Variants in ADARB2 observed in about 807,000 individuals in gnomAD.
The protein encoded by ADARB2 is inactive double-stranded RNA-specific editase B2.
Under a neutral mutation model 62.2 loss-of-function variants are expected in ADARB2, and 25 were observed. The observed-to-expected ratio is 0.40, with a 90% CI of 0.29 to 0.56. ADARB2 has a LOEUF of 0.56. Ranked by LOEUF, ADARB2 falls within the 20% of genes least tolerant of loss-of-function variation. The pLI is 0.43. For missense variants in ADARB2, 1,071 were observed against 1,077.4 expected, an observed-to-expected ratio of 0.99 and a Z score of 0.08; for synonymous variants, 572 against 500.8, an observed-to-expected ratio of 1.14 and a Z score of -1.90.
chr10:1,343,896 A>C (rs1009320678), intron 3 of ADARB2, among the ~76,000 whole-genome samples: 2 of 152,234 alleles, frequency 1.3e-5, no homozygotes, highest in African/African-American at 4.8e-5. Context: ...GAGGAGGGTG[A>C]GGACTGAAAA....
In ADARB2 at chr10:1,489,247, C is replaced by T. The variant is rs370507342; in HGVS notation, c.101-110087G>A. 5.7e-4 allele frequency among the ~76,000 whole-genome samples: 87 copies of T among 151,770 alleles called. No homozygotes were observed. In the South Asian group the frequency reaches 0.015, roughly 27 times the overall value. ...ACCTTCCCTTTCAGCAAGGCGTGACCGTGCCTCTCTGGGAGCTTCTGCACC... is the reference window on the plus strand; with the variant it reads ...ACCTTCCCTTTCAGCAAGGCGTGACTGTGCCTCTCTGGGAGCTTCTGCACC... On this transcript the variant is annotated intron_variant, in intron 1 of 9. Coordinates refer to ENST00000381312, the MANE Select transcript of ADARB2 (RefSeq NM_018702.4).
chr10:1,571,561 T>C (rs1254649071), intron 1 of ADARB2, among the ~76,000 whole-genome samples: 1 of 152,246 alleles, frequency 6.6e-6, no homozygotes, highest in Non-Finnish European at 1.5e-5. Flanking sequence ...TGAAGCCAGA[T>C]ACGTGGGTAT....
chr10:1,705,101 A>T (rs1834872488), intron 1 of ADARB2, among the ~76,000 whole-genome samples: 1 of 152,244 alleles, frequency 6.6e-6, no homozygotes, highest in Non-Finnish European at 1.5e-5. Flanking sequence ...TGATTTTTAA[A>T]ATTATTTAAT....
intron 1 of ADARB2, among the ~76,000 whole-genome samples, chr10:1,467,628 C>G (rs1442903796): frequency 6.6e-6 from 1 of 152,192 alleles, no homozygotes; most frequent in Non-Finnish European, 1.5e-5. Context: ...AACCAGCACA[C>G]ACGGACTATT....
intron 6 of ADARB2, 48 bp downstream of exon 6, chr10:1,233,646 G>A: frequency 6.4e-7 from 1 of 1,557,792 alleles, no homozygotes; most frequent in Non-Finnish European, 8.7e-7. Flanking sequence ...CCAGATAGAG[G>A]GAGCTGGGGG....
At chr10:1,455,347 A>T (rs1013019098) in intron 1 of ADARB2, among the ~76,000 whole-genome samples, 1 of 152,238 alleles carries the variant, frequency 6.6e-6, no homozygotes, top group Non-Finnish European at 1.5e-5. Context: ...TATGATGAGC[A>T]AAATAATTAG....
intron 3 of ADARB2, among the ~76,000 whole-genome samples, chr10:1,336,418 T>C (rs553564715): frequency 2.7e-4 from 41 of 152,278 alleles, no homozygotes; most frequent in African/African-American, 9.6e-4. Flanking sequence ...AAGGGTATTC[T>C]CACACATCTC....
chr10:1,390,326 G>A (rs939067424), intron 1 of ADARB2, among the ~76,000 whole-genome samples: 7 of 152,196 alleles, frequency 4.6e-5, no homozygotes, highest in African/African-American at 7.2e-5. Context: ...GGGAAGAGGC[G>A]GAAGTGGGCT....
chr10:1,651,549 C>A (rs797020149), intron 1 of ADARB2, among the ~76,000 whole-genome samples: 54 of 152,400 alleles, frequency 3.5e-4, no homozygotes, highest in African/African-American at 1.1e-3. Context: ...GATGGAACTT[C>A]CAGAACCAGC....
rs1836735256 is a variant in ADARB2, at chr10:1,185,169, G to A, written c.1865-130C>T. Reference sequence around the variant, plus strand: ...GTCCTCCCTTTTCATCCTCAGGACTGGCCAGTTCACGTGTCACCCGCAGGG... The same window carrying A: ...GTCCTCCCTTTTCATCCTCAGGACTAGCCAGTTCACGTGTCACCCGCAGGG... On this transcript the variant is annotated intron_variant, in intron 8 of 9. Coordinates refer to ENST00000381312, the MANE Select transcript of ADARB2 (RefSeq NM_018702.4). 2.3e-5 allele frequency: 29 copies of A among 1,239,812 alleles called. 2 individuals are homozygous for A. In the South Asian group the frequency reaches 4.6e-4, roughly 20 times the overall value. 76.8% of individuals were successfully genotyped at this position (1,239,812 alleles called of 1,614,324 possible).
At chr10:1,365,493 G>C (rs941488495) in intron 2 of ADARB2, among the ~76,000 whole-genome samples, 1 of 152,168 alleles carries the variant, frequency 6.6e-6, no homozygotes, top group Non-Finnish European at 1.5e-5. Context: ...ATCAAATGTA[G>C]GGAGAAGGCA....
At chr10:1,487,874 T>G (rs1432661346) in intron 1 of ADARB2, among the ~76,000 whole-genome samples, 4 of 151,786 alleles carry the variant, frequency 2.6e-5, no homozygotes, top group Non-Finnish European at 5.9e-5. Flanking sequence ...GAGGAGAGCT[T>G]GGCATGATTC....
chr10:1,454,145 G>A (rs1281626226), intron 1 of ADARB2, among the ~76,000 whole-genome samples: 2 of 152,184 alleles, frequency 1.3e-5, no homozygotes, highest in Non-Finnish European at 2.9e-5. Context: ...ATGGCGGCAG[G>A]TAGGAGAGCG....
chr10:1,684,138 A>T (rs1474740940), intron 1 of ADARB2, among the ~76,000 whole-genome samples: 4 of 152,260 alleles, frequency 2.6e-5, no homozygotes, highest in Non-Finnish European at 4.4e-5. Flanking sequence ...CAAAGCACAG[A>T]AGAAAACTCC....
chr10:1,233,913 C>A, intron 5 of ADARB2, 68 bp from the exon 6 acceptor site: 1 of 1,490,314 alleles, frequency 6.7e-7, no homozygotes. Context: ...ACCAGGTGAA[C>A]GCTTGAGTCC....
At chr10:1,425,120 C>A (rs779701012) in intron 1 of ADARB2, among the ~76,000 whole-genome samples, 5 of 152,100 alleles carry the variant, frequency 3.3e-5, no homozygotes, top group Non-Finnish European at 7.4e-5. Flanking sequence ...GAGCCTGGAG[C>A]CTCTGTTTTG....
intron 1 of ADARB2, among the ~76,000 whole-genome samples, chr10:1,671,310 C>T (rs115586204): frequency 0.015 from 2,240 of 152,310 alleles, 48 homozygotes; most frequent in African/African-American, 0.046. Flanking sequence ...CCCAGCAGAG[C>T]ACCTCACCAC....
intron 3 of ADARB2, among the ~76,000 whole-genome samples, chr10:1,293,188 A>G (rs1589181392): frequency 7.0e-5 from 1 of 14,282 alleles, no homozygotes; most frequent in African/African-American, 2.7e-4. Context: ...GGAGAGAAAG[A>G]CAGGAATAGA....
At chr10:1,569,497 C>A (rs1832907673) in intron 1 of ADARB2, among the ~76,000 whole-genome samples, 1 of 152,212 alleles carries the variant, frequency 6.6e-6, no homozygotes, top group Admixed American at 6.5e-5. Flanking sequence ...CAACACCTAA[C>A]GAGGTCAGCA....
Sources: gnomAD v4.1 joint callset for allele counts (sites outside exome capture counted in the v4.1 genomes callset) on GRCh38, gnomAD v4.1.1 for gene constraint, MANE v1.5 for transcripts, NCBI Gene and HGNC (gene_info 2026-07-23, HGNC 2026-07-21) for gene names.